TLK1: variants seen among roughly 807,000 people sequenced by gnomAD.
TLK1 encodes tousled like kinase 1.
Under a neutral mutation model 105.3 loss-of-function variants are expected in TLK1, and 24 were observed. The ratio of observed to expected loss-of-function variants is 0.23; its 90% confidence interval spans 0.17 to 0.32. The LOEUF (loss-of-function observed/expected upper bound fraction) is 0.32, where lower values mean the gene tolerates loss of function less well. Among genes scored for constraint, TLK1 ranks in the 10% least tolerant of loss-of-function variants. The probability of loss-of-function intolerance (pLI) is 1.00; values close to 1 mark genes in which losing one functional copy is unlikely to be tolerated. For synonymous variants in TLK1, 321 were observed against 310.4 expected (o/e 1.03, Z -0.36); for missense variants, 558 against 910.5 (o/e 0.61, Z 4.98).
Position 171,041,561 on chromosome 2 carries a change from T to C in TLK1, c.1169+4613A>G, listed in dbSNP as rs150516153. Among the ~76,000 whole-genome samples the C allele has an allele frequency of 1.4e-4, 21 of 152,320 alleles. No homozygotes were observed. The East Asian group carries it at 3.3e-3, about 24-fold the overall frequency. On this transcript the variant is annotated intron_variant, in intron 11 of 20. Coordinates refer to ENST00000431350, the MANE Select transcript of TLK1 (RefSeq NM_012290.5). ...GACCAGCAGTGGCATTAGATTCTCA[T>C]AGAGCACAAACCCTATTGTGAACTG...
chr2:171,033,143 T>C (rs1686128748), intron 11 of TLK1, among the ~76,000 whole-genome samples: 1 of 151,966 alleles, frequency 6.6e-6, no homozygotes, highest in South Asian at 2.1e-4. Context: ...GAGGCAGAGG[T>C]TGCAGTGAGC....
chr2:171,194,117 A>G (rs1443184859), intron 1 of TLK1, among the ~76,000 whole-genome samples: 2 of 152,220 alleles, frequency 1.3e-5, no homozygotes, highest in Non-Finnish European at 2.9e-5. Context: ...ACACCAGTAC[A>G]TGAAGGGCAT....
intron 1 of TLK1, among the ~76,000 whole-genome samples, chr2:171,183,024 G>A (rs1432760601): frequency 6.6e-6 from 1 of 151,832 alleles, no homozygotes; most frequent in Admixed American, 6.6e-5. Flanking sequence ...ACAGTTTATG[G>A]GGGTTATTTG....
intron 3 of TLK1, among the ~76,000 whole-genome samples, chr2:171,065,361 C>T (rs1259212130): frequency 6.6e-6 from 1 of 152,108 alleles, no homozygotes; most frequent in Non-Finnish European, 1.5e-5. Flanking sequence ...TTAATAGACA[C>T]AGAATATTTC....
intron 2 of TLK1, among the ~76,000 whole-genome samples, chr2:171,112,511 C>T (rs1474281310): frequency 6.6e-6 from 1 of 152,158 alleles, no homozygotes; most frequent in Non-Finnish European, 1.5e-5. Flanking sequence ...TCCAAACCTA[C>T]AGCAAACATT....
At position 171,061,151 on chromosome 2, in the gene TLK1, C is replaced by T. The variant is rs148780986; in HGVS notation, c.336G>A (p.Pro112=). The change falls in exon 4 of 21, where the codon CCG becomes CCA. Residue 112 remains proline (P), a synonymous_variant. Transcript: ENST00000431350. ...TGGATGATTCCGATTGTTTCTTCTC[C>T]GGTGTCTACAGAAAACAAGATAACA... The part of the protein sequence containing the change: ...GSLSDKESET[P]EKKQSESSRG... 13 of 1,612,894 alleles carry T rather than the reference C, an allele frequency of 8.1e-6. No homozygotes were observed. The highest frequency in any genetic ancestry group is 4.0e-5 in the African/African-American group (3 of 74,836).
At chr2:171,068,389 C>G (rs1688109164) in intron 3 of TLK1, among the ~76,000 whole-genome samples, 1 of 152,158 alleles carries the variant, frequency 6.6e-6, no homozygotes, top group Non-Finnish European at 1.5e-5. Context: ...CCAGGCTGGA[C>G]TGTAACTCCT....
At chr2:171,023,096 T>C in intron 12 of TLK1, 1 of 471,138 alleles carries the variant, frequency 2.1e-6, no homozygotes, top group Non-Finnish European at 4.4e-6. Context: ...GAGAACAGGA[T>C]TTCAGTGGCA....
At chr2:171,041,999 C>G (rs190035883) in intron 11 of TLK1, among the ~76,000 whole-genome samples, 282 of 152,278 alleles carry the variant, frequency 1.9e-3, no homozygotes, top group Admixed American at 3.3e-3. Flanking sequence ...GCCTTTTGCC[C>G]TATTTAAACC....
chr2:171,189,335 T>C (rs1693099036), intron 1 of TLK1, among the ~76,000 whole-genome samples: 2 of 152,048 alleles, frequency 1.3e-5, no homozygotes, highest in South Asian at 4.2e-4. Flanking sequence ...CCCTGTTAAG[T>C]TTTTACACTT....
At chr2:171,088,709 A>C (rs947554593) in intron 2 of TLK1, among the ~76,000 whole-genome samples, 3 of 152,208 alleles carry the variant, frequency 2.0e-5, no homozygotes, top group Non-Finnish European at 2.9e-5. Context: ...ATGCCTTCAA[A>C]ATTCTGAGAA....
chr2:171,110,957 CAAGTA>C (rs1286361060), intron 2 of TLK1, among the ~76,000 whole-genome samples: 1 of 151,816 alleles, frequency 6.6e-6, no homozygotes, highest in African/African-American at 2.4e-5. Context: ...TTTCTATATA[CAAGTA>C]AATAAACTAA....
intron 1 of TLK1, among the ~76,000 whole-genome samples, chr2:171,195,516 A>C (rs1044784118): frequency 1.3e-5 from 2 of 151,768 alleles, no homozygotes; most frequent in East Asian, 1.9e-4. Flanking sequence ...AAAAAAAAAA[A>C]AAAAAACATA....
chr2:171,003,738 T>C (rs1684509000), intron 18 of TLK1, among the ~76,000 whole-genome samples: 1 of 152,196 alleles, frequency 6.6e-6, no homozygotes. Flanking sequence ...TGTGGTACAG[T>C]TAATTTTATG....
At chr2:171,021,307 G>T (rs201436533) in intron 12 of TLK1, among the ~76,000 whole-genome samples, 1 of 152,138 alleles carries the variant, frequency 6.6e-6, no homozygotes, top group Non-Finnish European at 1.5e-5. Flanking sequence ...TGTATTATAG[G>T]AGTGAAATTA....
chr2:171,220,483 T>C (rs1330075765), intron 1 of TLK1, among the ~76,000 whole-genome samples: 2 of 152,220 alleles, frequency 1.3e-5, no homozygotes, highest in African/African-American at 4.8e-5. Flanking sequence ...TTTGGTAGCT[T>C]GCTCTGAGAG....
chr2:171,207,088 C>T (rs1192420871), intron 1 of TLK1, among the ~76,000 whole-genome samples: 3 of 152,194 alleles, frequency 2.0e-5, no homozygotes, highest in South Asian at 4.1e-4. Context: ...CTACAAAAAA[C>T]CTGCACATGG....
chr2:171,062,601 G>A (rs1234563995), intron 3 of TLK1, among the ~76,000 whole-genome samples: 2 of 152,074 alleles, frequency 1.3e-5, no homozygotes, highest in Non-Finnish European at 2.9e-5. Flanking sequence ...CTAGCATACA[G>A]TTATTACTTG....
intron 2 of TLK1, among the ~76,000 whole-genome samples, chr2:171,108,065 AAAC>A (rs1553478070): frequency 8.0e-5 from 11 of 136,962 alleles, no homozygotes; most frequent in South Asian, 2.1e-4. Context: ...CTCAAAAAAA[AAAC>A]AACAACAACA....
Sources: allele counts gnomAD v4.1 joint callset (sites outside exome capture counted in the v4.1 genomes callset), GRCh38; gene constraint gnomAD v4.1.1; transcripts MANE v1.5; gene names NCBI Gene and HGNC (gene_info 2026-07-23, HGNC 2026-07-21).